Variants in MYO9B observed in about 807,000 individuals in gnomAD.
MYO9B encodes the protein myosin IXB.
Under a neutral mutation model 229.5 loss-of-function variants are expected in MYO9B, and 71 were observed. The observed-to-expected ratio is 0.31, with a 90% CI of 0.26 to 0.38. The LOEUF (loss-of-function observed/expected upper bound fraction) is 0.38, where lower values mean the gene tolerates loss of function less well. Among genes scored for constraint, MYO9B ranks in the 10% least tolerant of loss-of-function variants. The pLI is 1.00. For synonymous variants in MYO9B, 1,185 were observed against 1,235.8 expected (o/e 0.96, Z 0.86); for missense variants, 2,255 against 2,920.5 (o/e 0.77, Z 5.25).
chr19:17,185,076 A>C (rs1599403629), intron 17 of MYO9B, 89 bp downstream of exon 17: 25 of 1,581,642 alleles, frequency 1.6e-5, no homozygotes, highest in Non-Finnish European at 2.2e-5. Flanking sequence ...GCCCGTCTCT[A>C]GTAAAAATAC....
chr19:17,192,455 C>T (rs2072995866), intron 20 of MYO9B, among the ~76,000 whole-genome samples: 1 of 140,036 alleles, frequency 7.1e-6, no homozygotes, highest in South Asian at 2.3e-4. Context: ...ATTAGCCAGG[C>T]CTGGTGATGG....
At chr19:17,121,634 C>G (rs1031283925) in intron 2 of MYO9B, among the ~76,000 whole-genome samples, 2 of 152,128 alleles carry the variant, frequency 1.3e-5, no homozygotes, top group Non-Finnish European at 2.9e-5. Context: ...GACCCTCCTT[C>G]CAGCCCTCCC....
rs1443789468 is a variant in MYO9B, at chr19:17,210,823, C to T, written c.5905C>T (p.Arg1969Trp). ...EDREKEILIERIQSIKEEKED... is the reference protein window; with the variant it reads ...EDREKEILIEWIQSIKEEKED... ...CCGGGAAAAGGAGATTCTCATTGAA[C>T]GGATCCAGTCCATCAAGGAGGAGAA... The change falls in exon 38 of 40, where the codon CGG (arginine) becomes TGG (tryptophan). Residue 1969 changes from arginine to tryptophan, a missense_variant. Physicochemically the swap from Arg to Trp is moderately radical, Grantham distance 101 (BLOSUM62 -3). Around this residue, in one of 7 missense-constraint regions of MYO9B, gnomAD observed 331 missense variants for 332.5 expected, o/e 1.00. Coordinates refer to ENST00000682292, the MANE Select transcript of MYO9B (RefSeq NM_004145.4). The T allele has an allele frequency of 6.3e-7, 1 of 1,598,808 alleles. No homozygotes were observed. Among genetic ancestry groups the T allele is most frequent in the Non-Finnish European group, 8.5e-7 (1 of 1,173,176 alleles).
chr19:17,138,363 G>A (rs148103821), intron 2 of MYO9B, among the ~76,000 whole-genome samples: 2,785 of 152,232 alleles, frequency 0.018, 45 homozygotes, highest in Non-Finnish European at 0.028. Flanking sequence ...GTAAACATAC[G>A]TGTGCATGTA....
At position 17,090,118 on chromosome 19, in the gene MYO9B, C is replaced by CTTTTTTTTTTT. The variant is rs59440394; in HGVS notation, c.-58-11509_-58-11499dup. 5.5e-4 allele frequency among the ~76,000 whole-genome samples: 27 copies of CTTTTTTTTTTT among 49,236 alleles called. 7 individuals are homozygous for CTTTTTTTTTTT. The highest frequency in any genetic ancestry group is 1.9e-3 in the East Asian group (3 of 1,606). The allele number at this position is 49,236 out of a possible 152,430, so 32.3% of individuals were successfully genotyped here. On this transcript the variant is annotated intron_variant, in intron 1 of 39. Coordinates refer to ENST00000682292, the MANE Select transcript of MYO9B (RefSeq NM_004145.4). ...TATAGCATGAATCGGTGCTTCCTTC[C>CTTTTTTTTTTT]TTTTTTTTTTTTTTTTTTTTTTTTT...
At chr19:17,081,281 A>G (rs920399101) in intron 1 of MYO9B, among the ~76,000 whole-genome samples, 2 of 151,848 alleles carry the variant, frequency 1.3e-5, no homozygotes, top group Non-Finnish European at 2.9e-5. Flanking sequence ...GCCCGCTCGG[A>G]CTCCCAAAGT....
chr19:17,197,402 TA>T lies in MYO9B; in HGVS notation c.4047-389del, dbSNP rs10522105. Among the ~76,000 whole-genome samples, 558 of 142,042 alleles carry T rather than the reference TA, an allele frequency of 3.9e-3. 4 individuals carry two copies. The highest frequency in any genetic ancestry group is 7.2e-3 in the Middle Eastern group (2 of 276). The allele number at this position is 142,042 out of a possible 152,430, so 93.2% of individuals were successfully genotyped here. ...GTAGAAGGATGGATGGATGGATAGA[TA>T]GATGATAGATAGATAGATAGATAGA... On this transcript the variant is annotated intron_variant, in intron 22 of 39. Transcript: ENST00000682292.
At chr19:17,179,168 C>T (rs1041436078) in intron 14 of MYO9B, among the ~76,000 whole-genome samples, 1 of 152,078 alleles carries the variant, frequency 6.6e-6, no homozygotes, top group Non-Finnish European at 1.5e-5. Flanking sequence ...CAGGAGAGCA[C>T]CCCCACCCCC....
intron 19 of MYO9B, among the ~76,000 whole-genome samples, chr19:17,188,250 G>A (rs2072941061): frequency 6.6e-6 from 1 of 151,940 alleles, no homozygotes; most frequent in South Asian, 2.1e-4. Context: ...CCAACATGGT[G>A]AAACCCCATC....
chr19:17,169,795 TCTC>T (rs769282606), intron 11 of MYO9B, among the ~76,000 whole-genome samples: 1 of 126,988 alleles, frequency 7.9e-6, no homozygotes, highest in East Asian at 2.2e-4. Context: ...CTCAATCCTG[TCTC>T]CTCCTTTTTT....
At chr19:17,137,785 C>A (rs528047111) in intron 2 of MYO9B, among the ~76,000 whole-genome samples, 1 of 151,912 alleles carries the variant, frequency 6.6e-6, no homozygotes, top group Non-Finnish European at 1.5e-5. Flanking sequence ...GCTCTGTCGC[C>A]GAGGCTGGAG....
chr19:17,170,093 C>G (rs1345083825), intron 11 of MYO9B, among the ~76,000 whole-genome samples: 3 of 151,372 alleles, frequency 2.0e-5, no homozygotes, highest in Non-Finnish European at 2.9e-5. Context: ...GATGGAATCT[C>G]CCTGTATTGC....
chr19:17,083,026 C>CTTTTTTTTTTT (rs71334657), intron 1 of MYO9B, among the ~76,000 whole-genome samples: 1 of 90,922 alleles, frequency 1.1e-5, no homozygotes, highest in Non-Finnish European at 2.0e-5. Flanking sequence ...GTGAATCTTG[C>CTTTTTTTTTTT]TTTTTTTTTT....
At chr19:17,170,670 A>AAAAC (rs770661031) in intron 11 of MYO9B, among the ~76,000 whole-genome samples, 1,151 of 113,048 alleles carry the variant, frequency 0.01, 75 homozygotes, top group East Asian at 0.035. Flanking sequence ...AAAAAAAAAA[A>AAAAC]AAAACTAGCT....
rs533395902 is a variant in MYO9B, at chr19:17,212,457, T to A, written c.*147T>A. On this transcript the variant is annotated 3_prime_UTR_variant, in exon 40 of 40. Coordinates refer to ENST00000682292, the MANE Select transcript of MYO9B (RefSeq NM_004145.4). The surrounding 1 kb of genome is among the most constrained non-coding windows in gnomAD (Gnocchi z 5.4). ...ACGTGAGGTGGGCACCGGCCCCAAG[T>A]GCAGAGTCAAGGCAGGGAGAGGCCG... 17 of 1,038,456 alleles carry A rather than the reference T, an allele frequency of 1.6e-5. No individual in the cohort carries two copies. In the African/African-American group the frequency reaches 2.7e-4, roughly 16 times the overall value. The allele number at this position is 1,038,456 out of a possible 1,614,324, so 64.3% of individuals were successfully genotyped here.
intron 22 of MYO9B, among the ~76,000 whole-genome samples, chr19:17,196,223 GGGAT>G (rs905481940): frequency 1.3e-5 from 2 of 151,518 alleles, no homozygotes; most frequent in Admixed American, 6.6e-5. Context: ...AGATGATGGA[GGGAT>G]GGATGGATGG....
Position 17,198,008 on chromosome 19 carries a change from C to G in MYO9B, c.4113+150C>G, listed in dbSNP as rs563051486. On this transcript the variant is annotated intron_variant, in intron 23 of 39. Transcript: ENST00000682292. ...GCAGGGTAGAGGTTGTAGTGAGCCT[C>G]GCGAGACCAGGCCACTGCACTCCAG... The G allele has an allele frequency of 8.6e-5, 113 of 1,314,716 alleles. No homozygotes were observed. In the African/African-American group the frequency reaches 1.6e-3, roughly 18 times the overall value. The allele number at this position is 1,314,716 out of a possible 1,614,324, so 81.4% of individuals were successfully genotyped here.
chr19:17,198,501 G>A (rs550460037), intron 24 of MYO9B, among the ~76,000 whole-genome samples, 193 bp downstream of exon 24: 7 of 152,142 alleles, frequency 4.6e-5, no homozygotes, highest in Non-Finnish European at 7.4e-5. Flanking sequence ...TTGGGATGCC[G>A]AGACGGGTGG....
chr19:17,190,037 C>T (rs1441494343), intron 19 of MYO9B, among the ~76,000 whole-genome samples: 2 of 147,824 alleles, frequency 1.4e-5, no homozygotes, highest in African/African-American at 5.1e-5. Context: ...TGCAGCCCAG[C>T]CTGGGCGGCA....
Sources: allele counts gnomAD v4.1 joint callset (sites outside exome capture counted in the v4.1 genomes callset), GRCh38; gene constraint gnomAD v4.1.1; regional missense constraint gnomAD v4.1.1; non-coding constraint Gnocchi (gnomAD v3.1); transcripts MANE v1.5; gene names NCBI Gene and HGNC (gene_info 2026-07-23, HGNC 2026-07-21).